The following ACCSL variants were observed in gnomAD, a reference collection of about 807,000 sequenced individuals.
ACCSL encodes the protein 1-aminocyclopropane-1-carboxylate synthase homolog (inactive) like, also known as probable inactive 1-aminocyclopropane-1-carboxylate synthase-like protein 2.
Under a neutral mutation model 61.7 loss-of-function variants are expected in ACCSL, and 55 were observed. The ratio of observed to expected loss-of-function variants is 0.89; its 90% confidence interval spans 0.72 to 1.12. The LOEUF is 1.12. Among genes scored for constraint, ACCSL ranks in the 50% most tolerant of loss-of-function variants. The pLI, the probability that ACCSL is intolerant of heterozygous loss-of-function variation, is 0.00. For missense variants in ACCSL, 632 were observed against 698.0 expected (o/e 0.91, Z 1.07); for synonymous variants, 258 against 264.3 (o/e 0.98, Z 0.23).
chr11:44,046,563 C>T (rs1952598528), upstream of ACCSL, among the ~76,000 whole-genome samples: 1 of 152,250 alleles, frequency 6.6e-6, no homozygotes, highest in African/African-American at 2.4e-5. Context: ...ATGGGAACAT[C>T]ACAGGCAAAC....
In ACCSL at chr11:44,048,220, G is replaced by A. The variant is rs1449294712; in HGVS notation, c.184G>A (p.Glu62Lys). The A allele has an allele frequency of 1.2e-6, 2 of 1,614,078 alleles. No individual in the cohort carries two copies. Among genetic ancestry groups the A allele is most frequent in the East Asian group, 4.5e-5 (2 of 44,884 alleles). The part of the protein sequence containing the change: ...GLSLEERRHT[E>K]AICEHEALLS... ...GTCGCTGGAGGAAAGGAGGCACACTGAGGCCATCTGTGAGCATGAAGCCCT... is the reference window on the plus strand; with the variant it reads ...GTCGCTGGAGGAAAGGAGGCACACTAAGGCCATCTGTGAGCATGAAGCCCT... The change falls in exon 1 of 14, where the codon GAG becomes AAG. Residue 62 changes from glutamate to lysine, a missense_variant. By Grantham distance (56) the Glu-to-Lys change is moderately conservative (BLOSUM62 1). Transcript: ENST00000378832.
the ACCSL span, chr11:43,925,484 C>G: frequency 2.2e-6 from 1 of 455,698 alleles, no homozygotes; most frequent in Non-Finnish European, 4.4e-6. Context: ...TAGCGTCGTC[C>G]TCCTGAATCT....
At chr11:44,042,826 A>G in the ACCSL span, among the ~76,000 whole-genome samples, 364 of 152,176 alleles carry the variant, frequency 2.4e-3, 1 homozygote, top group Middle Eastern at 0.01. Flanking sequence ...CACACCTGTA[A>G]TCCCAGCACT....
the ACCSL span, among the ~76,000 whole-genome samples, chr11:44,015,268 C>T: frequency 6.6e-6 from 1 of 152,326 alleles, no homozygotes; most frequent in East Asian, 1.9e-4. Flanking sequence ...AATAAATCTA[C>T]TAATAAGATT....
chr11:44,012,550 G>C, the ACCSL span, among the ~76,000 whole-genome samples: 1 of 152,254 alleles, frequency 6.6e-6, no homozygotes, highest in East Asian at 1.9e-4. Context: ...GCCACCCAAC[G>C]TGCTGGGATT....
the ACCSL span, among the ~76,000 whole-genome samples, chr11:44,011,184 A>AT: frequency 6.6e-6 from 1 of 152,022 alleles, no homozygotes; most frequent in Non-Finnish European, 1.5e-5. Flanking sequence ...TGTTCAGTCC[A>AT]TGCTACCTTC....
chr11:43,996,157 T>C, the ACCSL span, among the ~76,000 whole-genome samples: 1 of 152,152 alleles, frequency 6.6e-6, no homozygotes, highest in Admixed American at 6.5e-5. Flanking sequence ...AGGGACCAAC[T>C]CTGCTGACAC....
chr11:44,014,493 GA>G, the ACCSL span, among the ~76,000 whole-genome samples: 1 of 39,584 alleles, frequency 2.5e-5, no homozygotes, highest in Non-Finnish European at 6.0e-5. Flanking sequence ...CAGAGAGAGA[GA>G]GAGAGAGAGA....
chr11:44,052,644 GTC>G lies in ACCSL; in HGVS notation c.773-12_773-11del. The G allele has an allele frequency of 1.2e-6, 2 of 1,606,954 alleles. No homozygotes were observed. Among genetic ancestry groups the G allele is most frequent in the Non-Finnish European group, 1.7e-6 (2 of 1,173,480 alleles). On this transcript the variant is annotated splice_polypyrimidine_tract_variant and intron_variant, in intron 5 of 13. Transcript: ENST00000378832. ...TGGGAGACTTTGGACTGATAGCTCT[GTC>G]TCTCTGTGTTTCCAGAGGCCTTCCT...
At chr11:43,928,988 A>G in the ACCSL span, among the ~76,000 whole-genome samples, 2 of 152,208 alleles carry the variant, frequency 1.3e-5, no homozygotes, top group Non-Finnish European at 2.9e-5. Context: ...GCCAGGCAGG[A>G]TGGTGCTGTG....
chr11:44,011,917 T>G, the ACCSL span, among the ~76,000 whole-genome samples: 2 of 152,212 alleles, frequency 1.3e-5, no homozygotes, highest in African/African-American at 4.8e-5. Flanking sequence ...AGAGCCTTAT[T>G]TGAAGTATTT....
the ACCSL span, among the ~76,000 whole-genome samples, chr11:44,033,605 A>G: frequency 6.6e-6 from 1 of 152,058 alleles, no homozygotes; most frequent in Admixed American, 6.5e-5. Flanking sequence ...GGCCCCTCGG[A>G]TTTGAAATGT....
the ACCSL span, among the ~76,000 whole-genome samples, chr11:43,989,056 A>C: frequency 6.6e-6 from 1 of 152,108 alleles, no homozygotes; most frequent in Non-Finnish European, 1.5e-5. Flanking sequence ...CTTCACGGGG[A>C]GCTGGTCTAA....
chr11:43,975,116 A>G, the ACCSL span, among the ~76,000 whole-genome samples: 1 of 152,188 alleles, frequency 6.6e-6, no homozygotes, highest in Admixed American at 6.5e-5. Flanking sequence ...AGTGTTAGTG[A>G]CAATCTAAAT....
chr11:44,053,196 G>T (rs1952650570), intron 7 of ACCSL, 128 bp downstream of exon 7: 4 of 896,454 alleles, frequency 4.5e-6, no homozygotes, highest in Non-Finnish European at 7.0e-6. Flanking sequence ...GACAGTAAAT[G>T]ATCCAGGGGT....
At chr11:44,031,471 A>G in the ACCSL span, among the ~76,000 whole-genome samples, 1 of 152,190 alleles carries the variant, frequency 6.6e-6, no homozygotes, top group African/African-American at 2.4e-5. Flanking sequence ...AAAGGAAAGC[A>G]TCAAGACAGA....
At chr11:44,000,048 C>T in the ACCSL span, among the ~76,000 whole-genome samples, 183 of 152,224 alleles carry the variant, frequency 1.2e-3, 1 homozygote, top group Middle Eastern at 0.014. Flanking sequence ...GAAGGCCAAG[C>T]GGGGGCGGAT....
At chr11:44,020,499 C>G in the ACCSL span, among the ~76,000 whole-genome samples, 92 of 152,174 alleles carry the variant, frequency 6.0e-4, no homozygotes, top group African/African-American at 2.1e-3. Flanking sequence ...GAAATCTATT[C>G]CTAGTGTCTT....
At chr11:43,957,320 G>A in the ACCSL span, among the ~76,000 whole-genome samples, 1 of 141,082 alleles carries the variant, frequency 7.1e-6, no homozygotes, top group African/African-American at 2.7e-5. Context: ...GGTGGGAGGA[G>A]GGGGGTTCCA....
Sources: gnomAD v4.1 joint callset for allele counts (sites outside exome capture counted in the v4.1 genomes callset) on GRCh38, gnomAD v4.1.1 for gene constraint, MANE v1.5 for transcripts, NCBI Gene and HGNC (gene_info 2026-07-23, HGNC 2026-07-21) for gene names.